Variants in HCN1 observed in about 807,000 individuals in gnomAD.
HCN1 encodes the protein hyperpolarization activated cyclic nucleotide gated potassium channel 1.
HCN1 carries 13 observed loss-of-function variants against 78.9 expected under a neutral mutation model. The observed-to-expected ratio is 0.16, with a 90% CI of 0.11 to 0.26. The LOEUF is 0.26. HCN1 is among the 10% of genes least tolerant of loss of function. The pLI is 1.00. For missense variants in HCN1, 810 were observed against 1,154.3 expected (o/e 0.70, Z 4.32); for synonymous variants, 552 against 455.5 (o/e 1.21, Z -2.70).
At chr5:45,329,521 T>A (rs1746304088) in intron 5 of HCN1, among the ~76,000 whole-genome samples, 2 of 151,462 alleles carry the variant, frequency 1.3e-5, no homozygotes, top group African/African-American at 2.4e-5. Flanking sequence ...CACTCCCCTT[T>A]CTGTCTCCTT....
chr5:45,314,524 A>G (rs1745934462), intron 5 of HCN1, among the ~76,000 whole-genome samples: 1 of 152,180 alleles, frequency 6.6e-6, no homozygotes, highest in South Asian at 2.1e-4. Flanking sequence ...ATTAACCTTA[A>G]ATGTAAATGG....
At chr5:45,368,801 C>A (rs556463071) in intron 4 of HCN1, among the ~76,000 whole-genome samples, 1 of 152,012 alleles carries the variant, frequency 6.6e-6, no homozygotes, top group Non-Finnish European at 1.5e-5. Context: ...CTCTCATACA[C>A]CGCTTCTGTC....
At chr5:45,424,117 TCCAAAAAAAA>T (rs1740288018) in intron 3 of HCN1, among the ~76,000 whole-genome samples, 1 of 48,774 alleles carries the variant, frequency 2.1e-5, no homozygotes. Context: ...CTACTAAAAA[TCCAAAAAAAA>T]AAAAAAAAAA....
chr5:45,656,815 A>G (rs900871789), intron 1 of HCN1, among the ~76,000 whole-genome samples: 1 of 152,152 alleles, frequency 6.6e-6, no homozygotes, highest in Non-Finnish European at 1.5e-5. Flanking sequence ...TTCTAAAATA[A>G]TCAACCTCTA....
intron 4 of HCN1, among the ~76,000 whole-genome samples, chr5:45,371,528 G>A (rs1237207508): frequency 1.3e-5 from 2 of 151,730 alleles, no homozygotes; most frequent in Admixed American, 6.6e-5. Flanking sequence ...GGAAGCCGAG[G>A]TGGACAGATC....
At chr5:45,406,190 G>T (rs189514385) in intron 3 of HCN1, among the ~76,000 whole-genome samples, 13 of 152,174 alleles carry the variant, frequency 8.5e-5, no homozygotes, top group Admixed American at 8.5e-4. Context: ...CTGTAAGTGT[G>T]ATGTTTCAAT....
At chr5:45,494,032 G>T (rs1741962824) in intron 2 of HCN1, among the ~76,000 whole-genome samples, 1 of 152,042 alleles carries the variant, frequency 6.6e-6, no homozygotes, top group Non-Finnish European at 1.5e-5. Context: ...CCAAGTCTTT[G>T]CTATTGTGAA....
At chr5:45,281,518 T>C (rs1319770953) in intron 6 of HCN1, among the ~76,000 whole-genome samples, 3 of 151,252 alleles carry the variant, frequency 2.0e-5, no homozygotes, top group Non-Finnish European at 4.4e-5. Flanking sequence ...CTAATACATA[T>C]GTGCAGACAA....
At chr5:45,289,209 T>C (rs1239543752) in intron 6 of HCN1, among the ~76,000 whole-genome samples, 1 of 152,090 alleles carries the variant, frequency 6.6e-6, no homozygotes, top group Non-Finnish European at 1.5e-5. Flanking sequence ...TTAAATTGCT[T>C]CCAAATGTAT....
intron 5 of HCN1, among the ~76,000 whole-genome samples, chr5:45,328,749 G>A (rs953036098): frequency 4.0e-5 from 6 of 151,496 alleles, no homozygotes; most frequent in Non-Finnish European, 7.4e-5. Flanking sequence ...CTCTAGTAAC[G>A]AACTGAAACT....
At chr5:45,538,793 A>C (rs1436769689) in intron 2 of HCN1, among the ~76,000 whole-genome samples, 1 of 152,212 alleles carries the variant, frequency 6.6e-6, no homozygotes, top group Non-Finnish European at 1.5e-5. Context: ...TCTTGTAGCA[A>C]GTGAAGAGCC....
chr5:45,262,346 G>C lies in HCN1; in HGVS notation c.2248C>G (p.Gln750Glu), dbSNP rs764274304. The part of the protein sequence containing the change: ...QSQPPQTQPQ[Q>E]PSPQPQTPGS... The stretch of plus-strand genomic sequence containing the variant: ...GGTGTCTGTGGCTGCGGGGACGGCT[G>C]CTGTGGCTGAGTCTGCGGCGGCTGG... The change falls in exon 8 of 8, where the codon CAG becomes GAG. Residue 750 changes from glutamine (Q) to glutamate (E), a missense_variant. Transcript: ENST00000303230. 6.2e-6 allele frequency: 10 copies of C among 1,613,208 alleles called. No homozygotes were observed. Among genetic ancestry groups the C allele is most frequent in the Non-Finnish European group, 8.5e-6 (10 of 1,179,858 alleles).
chr5:45,464,913 T>A (rs1579912119), intron 2 of HCN1, among the ~76,000 whole-genome samples: 2 of 152,128 alleles, frequency 1.3e-5, no homozygotes, highest in African/African-American at 4.8e-5. Context: ...CTGATCTAAT[T>A]TATGCACAGC....
At chr5:45,570,574 T>C (rs1743806127) in intron 2 of HCN1, among the ~76,000 whole-genome samples, 1 of 152,272 alleles carries the variant, frequency 6.6e-6, no homozygotes, top group East Asian at 1.9e-4. Flanking sequence ...TAAATATCTT[T>C]AATACTCAAT....
At chr5:45,640,728 C>G (rs1745437333) in intron 2 of HCN1, among the ~76,000 whole-genome samples, 1 of 151,880 alleles carries the variant, frequency 6.6e-6, no homozygotes, top group African/African-American at 2.4e-5. Context: ...GCACCCGCCA[C>G]CATGCCCAGC....
At chr5:45,403,022 T>G (rs2112047151) in intron 3 of HCN1, among the ~76,000 whole-genome samples, 1 of 152,128 alleles carries the variant, frequency 6.6e-6, no homozygotes, top group South Asian at 2.1e-4. Context: ...GCCTTCTGAG[T>G]AGCTGAGACT....
intron 2 of HCN1, among the ~76,000 whole-genome samples, chr5:45,571,156 G>A (rs1743819638): frequency 6.6e-6 from 1 of 151,966 alleles, no homozygotes; most frequent in Non-Finnish European, 1.5e-5. Context: ...GTCCCATTAT[G>A]GTCCCTTCCT....
At chr5:45,263,954 C>T (rs1004654920) in intron 7 of HCN1, among the ~76,000 whole-genome samples, 16 of 152,082 alleles carry the variant, frequency 1.1e-4, no homozygotes, top group East Asian at 1.9e-4. Context: ...CCACCGTGCC[C>T]GGTTAATTTT....
At chr5:45,536,668 C>T (rs1233003335) in intron 2 of HCN1, among the ~76,000 whole-genome samples, 1 of 152,108 alleles carries the variant, frequency 6.6e-6, no homozygotes, top group African/African-American at 2.4e-5. Flanking sequence ...GTCATTGTCA[C>T]ATTCTATCCA....
Sources: gnomAD v4.1 joint callset for allele counts (sites outside exome capture counted in the v4.1 genomes callset) on GRCh38, gnomAD v4.1.1 for gene constraint, MANE v1.5 for transcripts, NCBI Gene and HGNC (gene_info 2026-07-23, HGNC 2026-07-21) for gene names.